Variants in ULK1 observed in about 807,000 individuals in gnomAD.
ULK1 encodes the protein unc-51 like autophagy activating kinase 1.
Under a neutral mutation model 117.5 loss-of-function variants are expected in ULK1, and 48 were observed. The ratio of observed to expected loss-of-function variants is 0.41; its 90% confidence interval spans 0.32 to 0.52. The LOEUF (loss-of-function observed/expected upper bound fraction) is 0.52, where lower values mean the gene tolerates loss of function less well. Ranked by LOEUF, ULK1 falls within the 20% of genes least tolerant of loss-of-function variation. ULK1 has a pLI of 0.29. For missense variants in ULK1, 1,387 were observed against 1,473.4 expected, an observed-to-expected ratio of 0.94 and a Z score of 0.96; for synonymous variants, 790 against 637.8, an observed-to-expected ratio of 1.24 and a Z score of -3.60.
chr12:131,913,460 C>A (rs1889632042), intron 14 of ULK1, among the ~76,000 whole-genome samples: 1 of 151,724 alleles, frequency 6.6e-6, no homozygotes, highest in Non-Finnish European at 1.5e-5. Flanking sequence ...CTTTGGGAGG[C>A]CGAGGCGGAT....
At chr12:131,909,364 C>T in intron 8 of ULK1, 127 bp downstream of exon 8, 3 of 1,135,322 alleles carry the variant, frequency 2.6e-6, no homozygotes, top group Non-Finnish European at 3.6e-6. Context: ...GCTGGCGGGG[C>T]GGGCGTCCAG....
Position 131,914,489 on chromosome 12 carries a change from G to T in ULK1, c.1373+12G>T, listed in dbSNP as rs1465068091. On this transcript the variant is annotated intron_variant, in intron 16 of 27. Coordinates refer to ENST00000321867, the MANE Select transcript of ULK1 (RefSeq NM_003565.4). ...TTCCAAACACCTCGGTGAGTGTGGA[G>T]CCCCCAGGTAGCCAGGCGTGGCTGG... 1.2e-6 allele frequency: 2 copies of T among 1,608,874 alleles called. No individual in the cohort carries two copies. The highest frequency in any genetic ancestry group is 2.7e-5 in the African/African-American group (2 of 74,922).
At chr12:131,910,096 A>G (rs1889466602) in intron 10 of ULK1, 95 bp downstream of exon 10, 5 of 1,563,768 alleles carry the variant, frequency 3.2e-6, no homozygotes, top group Middle Eastern at 1.7e-4. Flanking sequence ...ACCCAGCCCC[A>G]TGTGCACACT....
In ULK1 at chr12:131,915,900, C is replaced by T. The variant is rs1889756605; in HGVS notation, c.1619C>T (p.Ala540Val). ...GCGTGTCTCTCTCTAGGCTCCTCTGCACCCGAGCACTCTCCCCGCACTTCC... is the reference window on the plus strand; with the variant it reads ...GCGTGTCTCTCTCTAGGCTCCTCTGTACCCGAGCACTCTCCCCGCACTTCC... ...GGRSPRPGSSAPEHSPRTSGL... is the reference protein window; with the variant it reads ...GGRSPRPGSSVPEHSPRTSGL... The change falls in exon 19 of 28, where the codon GCA becomes GTA. Residue 540 changes from alanine (A) to valine (V), a missense_variant. By Grantham distance (64) the Ala-to-Val change is moderately conservative (BLOSUM62 0). Coordinates refer to ENST00000321867, the MANE Select transcript of ULK1 (RefSeq NM_003565.4). 1.2e-6 allele frequency: 2 copies of T among 1,610,924 alleles called. No homozygotes were observed. The highest frequency in any genetic ancestry group is 1.7e-6 in the Non-Finnish European group (2 of 1,179,810).
intron 11 of ULK1, 128 bp downstream of exon 11, chr12:131,910,432 G>C: frequency 7.0e-7 from 1 of 1,431,806 alleles, no homozygotes; most frequent in Non-Finnish European, 9.8e-7. Flanking sequence ...TCCCAGGGAG[G>C]GCAGGACACC....
At position 131,903,152 on chromosome 12, in the gene ULK1, C is replaced by G. The variant is rs1247563918; in HGVS notation, c.247-3740C>G. On this transcript the variant is annotated intron_variant, in intron 3 of 27. Transcript: ENST00000321867. The surrounding 1 kb of genome is among the most constrained non-coding windows in gnomAD (Gnocchi z 6.0). Reference sequence around the variant, plus strand: ...GACAGGCCCAGCTGGGGGCCCCCGTCGGGGGGTGTTGTGGCGCAGGGCCTG... The same window carrying G: ...GACAGGCCCAGCTGGGGGCCCCCGTGGGGGGGTGTTGTGGCGCAGGGCCTG... 6.6e-6 allele frequency among the ~76,000 whole-genome samples: 1 copy of G among 152,082 alleles called. No homozygotes were observed. Among genetic ancestry groups the G allele is most frequent in the East Asian group, 1.9e-4 (1 of 5,192 alleles).
chr12:131,895,917 G>A lies in ULK1; in HGVS notation c.246+93G>A. ...CCTGGTGAGCACTGGTGTTGAGCCT[G>A]TCCAGGCTGGGGTCTACTGGGCCCC... On this transcript the variant is annotated intron_variant, in intron 3 of 27. Transcript: ENST00000321867. The A allele has an allele frequency of 3.9e-6, 6 of 1,539,998 alleles. No individual in the cohort carries two copies. The East Asian group carries it at 1.1e-4, about 29-fold the overall frequency.
intron 3 of ULK1, chr12:131,897,971 C>G (rs570427435): frequency 6.6e-6 from 1 of 152,220 alleles, no homozygotes; most frequent in African/African-American, 2.4e-5. Context: ...GCACAGTGGT[C>G]GAGAGCCAGG....
At chr12:131,895,424 A>G (rs1416278326) in intron 1 of ULK1, among the ~76,000 whole-genome samples, 177 bp from the exon 2 acceptor site, 1 of 151,076 alleles carries the variant, frequency 6.6e-6, no homozygotes, top group Non-Finnish European at 1.5e-5. Context: ...CCGGCTTTCG[A>G]GGCTGGATCC....
chr12:131,911,307 C>T (rs1889524366), intron 12 of ULK1, among the ~76,000 whole-genome samples: 1 of 152,206 alleles, frequency 6.6e-6, no homozygotes, highest in African/African-American at 2.4e-5. Flanking sequence ...GAGTTCATGT[C>T]TGGGCTCTCC....
intron 3 of ULK1, among the ~76,000 whole-genome samples, chr12:131,901,538 C>T (rs1889091547): frequency 6.6e-6 from 1 of 152,190 alleles, no homozygotes; most frequent in South Asian, 2.1e-4. Flanking sequence ...TGCCCCCCTC[C>T]CCCTCTGCTT....
intron 25 of ULK1, 114 bp downstream of exon 25, chr12:131,919,704 T>G (rs1471810841): frequency 1.6e-6 from 2 of 1,282,854 alleles, no homozygotes; most frequent in Non-Finnish European, 2.2e-6. Context: ...TGTGCAGAGG[T>G]GCAGAGGCCC....
Position 131,918,427 on chromosome 12 carries a change from C to A in ULK1, c.2327-70C>A, listed in dbSNP as rs1889957337. 2.6e-6 allele frequency: 4 copies of A among 1,514,178 alleles called. No individual in the cohort carries two copies. In the East Asian group the frequency reaches 9.8e-5, roughly 37 times the overall value. 93.8% of individuals were successfully genotyped at this position (1,514,178 alleles called of 1,614,324 possible). On this transcript the variant is annotated intron_variant, in intron 22 of 27. Coordinates refer to ENST00000321867, the MANE Select transcript of ULK1 (RefSeq NM_003565.4). ...CATTGGGCCCTGGAGGTGTGGGAGT[C>A]TGTGGGGGATGGATGGGGGCCACGG...
At chr12:131,915,452 C>T in intron 18 of ULK1, 31 bp downstream of exon 18, 1 of 1,605,764 alleles carries the variant, frequency 6.2e-7, no homozygotes, top group Non-Finnish European at 8.5e-7. Flanking sequence ...GGAGGGGGTG[C>T]TAGGCTGACC....
intron 14 of ULK1, among the ~76,000 whole-genome samples, chr12:131,913,506 C>T (rs1039604096): frequency 6.6e-6 from 1 of 151,928 alleles, no homozygotes; most frequent in African/African-American, 2.4e-5. Flanking sequence ...CCATCCTGGC[C>T]AACATGGTGA....
chr12:131,901,272 T>C (rs1889075995), intron 3 of ULK1, among the ~76,000 whole-genome samples: 7 of 150,720 alleles, frequency 4.6e-5, no homozygotes, highest in Admixed American at 4.6e-4. Flanking sequence ...GGCAGGAGAA[T>C]CGCTTGAACC....
chr12:131,914,857 C>G (rs1889701936), intron 16 of ULK1, among the ~76,000 whole-genome samples: 1 of 152,152 alleles, frequency 6.6e-6, no homozygotes, highest in African/African-American at 2.4e-5. Context: ...GGCAGGAAAG[C>G]TAAGGGGCCA....
intron 27 of ULK1, 29 bp downstream of exon 27, chr12:131,921,264 G>A (rs1339508110): frequency 1.2e-6 from 2 of 1,608,072 alleles, no homozygotes; most frequent in Non-Finnish European, 1.7e-6. Flanking sequence ...TGGGGGCTGG[G>A]GACTCTGGGC....
intron 18 of ULK1, 32 bp downstream of exon 18, chr12:131,915,453 T>C (rs755021063): frequency 6.2e-7 from 1 of 1,605,954 alleles, no homozygotes; most frequent in East Asian, 2.2e-5. Flanking sequence ...GAGGGGGTGC[T>C]AGGCTGACCT....
Sources: allele counts gnomAD v4.1 joint callset (sites outside exome capture counted in the v4.1 genomes callset), GRCh38; gene constraint gnomAD v4.1.1; non-coding constraint Gnocchi (gnomAD v3.1); transcripts MANE v1.5; gene names NCBI Gene and HGNC (gene_info 2026-07-23, HGNC 2026-07-21).